Variants in CEP72 observed in about 807,000 individuals in gnomAD.
CEP72 encodes centrosomal protein 72.
In CEP72, 78 loss-of-function variants were observed where a neutral mutation model predicts 65.7. The observed-to-expected ratio is 1.19, with a 90% confidence interval of 0.99 to 1.43. The LOEUF (loss-of-function observed/expected upper bound fraction) is 1.43, where lower values mean the gene tolerates loss of function less well. Among genes scored for constraint, CEP72 ranks in the 40% most tolerant of loss-of-function variants. The pLI is 0.00. For synonymous variants in CEP72, 358 were observed against 351.7 expected, an observed-to-expected ratio of 1.02 and a Z score of -0.20; for missense variants, 914 against 832.9, an observed-to-expected ratio of 1.10 and a Z score of -1.20.
chr5:665,211 C>T, exon 3 of CEP72: 1 of 1,613,906 alleles, frequency 6.2e-7, no homozygotes, highest in Non-Finnish European at 8.5e-7. Context: ...CTTGCCCTTG[C>T]CAGAGGGGTC....
At chr5:666,337 T>C (rs1580073115) in intron 4 of CEP72, among the ~76,000 whole-genome samples, 2 of 152,228 alleles carry the variant, frequency 1.3e-5, no homozygotes. Context: ...CACACGGCCC[T>C]GCAGGCCGCT....
At chr5:643,349 G>A (rs975359246) in intron 9 of CEP72, 2 of 985,482 alleles carry the variant, frequency 2.0e-6, no homozygotes, top group African/African-American at 3.5e-5. Context: ...GGTCATGCTG[G>A]TTGGCGCCAC....
chr5:649,620 C>T (rs1227975337), intron 11 of CEP72, among the ~76,000 whole-genome samples: 10 of 57,750 alleles, frequency 1.7e-4, no homozygotes, highest in Admixed American at 2.1e-4. Context: ...GACTGTGAGG[C>T]GTGGACTGTG....
downstream of CEP72, among the ~76,000 whole-genome samples, chr5:655,834 A>G (rs1007436612): frequency 6.6e-6 from 1 of 152,202 alleles, no homozygotes; most frequent in Non-Finnish European, 1.5e-5. This position sits in a 1 kb window ranked among gnomAD's most constrained non-coding sequence, Gnocchi z 5.0. Flanking sequence ...TCTGGGTAGT[A>G]GTGCTTTGTG....
chr5:639,152 G>A lies in CEP72; in HGVS notation c.1270G>A (p.Glu424Lys), dbSNP rs201346473. 412 of 1,612,798 alleles carry A rather than the reference G, an allele frequency of 2.6e-4. No individual in the cohort carries two copies. Among genetic ancestry groups the A allele is most frequent in the Non-Finnish European group, 3.4e-4 (396 of 1,179,636 alleles). The change falls in exon 8 of 12, where the codon GAG becomes AAG. Residue 424 changes from glutamate (E) to lysine (K), a missense_variant. Physicochemically the swap from Glu to Lys is moderately conservative, Grantham distance 56. Coordinates refer to ENST00000264935, the MANE Select transcript of CEP72 (RefSeq NM_018140.4). The part of the protein sequence containing the change: ...KKTALQAALL[E>K]TLLDLVDRSW... ...GACGGCCCTGCAGGCGGCGCTCCTG[G>A]AGACGCTCTTGGACCTGGTGGACAG...
chr5:642,835 C>T, intron 9 of CEP72: 1 of 985,478 alleles, frequency 1.0e-6, no homozygotes, highest in Non-Finnish European at 1.2e-6. Flanking sequence ...ACATCTGTCA[C>T]TCCAGAAGCA....
At chr5:613,010 G>A (rs1735771008) in intron 1 of CEP72, among the ~76,000 whole-genome samples, 1 of 152,224 alleles carries the variant, frequency 6.6e-6, no homozygotes. Context: ...GAAACCATAT[G>A]GACATGTCAA....
chr5:618,931 C>T (rs543571841), intron 1 of CEP72, 59 bp from the exon 2 acceptor site: 547 of 1,376,838 alleles, frequency 4.0e-4, no homozygotes, highest in Non-Finnish European at 5.2e-4. Flanking sequence ...AGAACTTGAC[C>T]GTTATTATAA....
chr5:650,204 A>T (rs1372145189), intron 11 of CEP72, among the ~76,000 whole-genome samples: 2 of 120,104 alleles, frequency 1.7e-5, no homozygotes, highest in African/African-American at 6.8e-5. Context: ...TGAGGCGTGG[A>T]CTGTGAGGTG....
intron 11 of CEP72, among the ~76,000 whole-genome samples, chr5:651,283 T>C (rs1396389467): frequency 1.1e-5 from 1 of 90,986 alleles, no homozygotes; most frequent in Non-Finnish European, 2.2e-5. Context: ...GACTGTGAGG[T>C]GTGACTGTGA....
At chr5:661,502 A>G (rs1739606511), downstream of CEP72, 1 of 152,410 alleles carries the variant, frequency 6.6e-6, no homozygotes, top group South Asian at 2.1e-4. Context: ...CAGGTTGTGC[A>G]GTTTGTTATT....
intron 4 of CEP72, among the ~76,000 whole-genome samples, chr5:629,258 T>C (rs1354580392): frequency 6.6e-6 from 1 of 152,266 alleles, no homozygotes; most frequent in Non-Finnish European, 1.5e-5. Flanking sequence ...GAAAACATTC[T>C]CCCTGAATGT....
intron 9 of CEP72, chr5:643,262 A>C: frequency 1.0e-6 from 1 of 985,438 alleles, no homozygotes; most frequent in Non-Finnish European, 1.2e-6. Context: ...AGCTCACCGC[A>C]TCCTTGGGAG....
At chr5:616,774 C>T (rs2126728208) in intron 1 of CEP72, among the ~76,000 whole-genome samples, 1 of 151,810 alleles carries the variant, frequency 6.6e-6, no homozygotes, top group Middle Eastern at 3.4e-3. Context: ...CTGGCTGCTG[C>T]GCAAGGCCAG....
chr5:643,644 C>G lies in CEP72; in HGVS notation c.1540-655C>G, dbSNP rs965136026. On this transcript the variant is annotated intron_variant, in intron 9 of 11. Transcript: ENST00000264935. ...CACCCCCGGCCCCAGGATGTGCCTG[C>G]TGGTGCCTGAGAGAGCAGCAGCCAG... 6 of 985,270 alleles carry G rather than the reference C, an allele frequency of 6.1e-6. No individual in the cohort carries two copies. The African/African-American group carries it at 1.0e-4, about 17-fold the overall frequency. The allele number at this position is 985,270 out of a possible 1,614,324, so 61.0% of individuals were successfully genotyped here.
downstream of CEP72, among the ~76,000 whole-genome samples, chr5:671,577 C>G (rs1740225878): frequency 6.6e-6 from 1 of 152,240 alleles, no homozygotes; most frequent in Non-Finnish European, 1.5e-5. Flanking sequence ...AGACGGGTGC[C>G]TGTCGCCGCA....
intron 1 of CEP72, among the ~76,000 whole-genome samples, chr5:614,810 A>G (rs999664275): frequency 5.3e-5 from 8 of 152,196 alleles, no homozygotes; most frequent in Admixed American, 2.6e-4. Context: ...ATGATCCAGC[A>G]TCTGGTCTAT....
At chr5:619,562 C>G (rs1056189662) in intron 2 of CEP72, among the ~76,000 whole-genome samples, 1 of 152,168 alleles carries the variant, frequency 6.6e-6, no homozygotes, top group Non-Finnish European at 1.5e-5. Flanking sequence ...CTGATTGGCC[C>G]GGACAGAACC....
intron 1 of CEP72, chr5:662,320 C>G (rs1036731049): frequency 1.7e-4 from 26 of 152,576 alleles, no homozygotes; most frequent in African/African-American, 4.8e-4. Context: ...TGCTCAGGGC[C>G]GGTTTCTGGT....
Sources: gnomAD v4.1 joint callset for allele counts (sites outside exome capture counted in the v4.1 genomes callset) on GRCh38, gnomAD v4.1.1 for gene constraint, Gnocchi (gnomAD v3.1) non-coding constraint, MANE v1.5 for transcripts, NCBI Gene and HGNC (gene_info 2026-07-23, HGNC 2026-07-21) for gene names.